Variants in PARVG observed in about 807,000 individuals in gnomAD.
The protein encoded by PARVG is parvin gamma.
In PARVG, 36 loss-of-function variants were observed where a neutral mutation model predicts 44.4. The ratio of observed to expected loss-of-function variants is 0.81; its 90% confidence interval spans 0.62 to 1.07. The LOEUF is 1.07. PARVG is among the 50% of genes least tolerant of loss of function. The pLI is 0.00. For synonymous variants in PARVG, 170 were observed against 174.1 expected (o/e 0.98, Z 0.19); for missense variants, 407 against 407.4 (o/e 1.00, Z 0.01).
intron 12 of PARVG, among the ~76,000 whole-genome samples, chr22:44,204,828 C>T (rs1392140827): frequency 1.3e-5 from 2 of 152,200 alleles, no homozygotes; most frequent in African/African-American, 4.8e-5. Flanking sequence ...GGAGTTCATC[C>T]CTCTTCACCC....
At position 44,191,931 on chromosome 22, in the gene PARVG, C is replaced by G. The variant is rs531767741; in HGVS notation, c.505-118C>G. On this transcript the variant is annotated intron_variant, in intron 7 of 13. Coordinates refer to ENST00000444313, the MANE Select transcript of PARVG (RefSeq NM_022141.7). ...CCTCAAGACTCCTGGGGAAGAAAGACAATTAAGCCAGAGGCTGTCCTGAGG... is the reference window on the plus strand; with the variant it reads ...CCTCAAGACTCCTGGGGAAGAAAGAGAATTAAGCCAGAGGCTGTCCTGAGG... The G allele has an allele frequency of 3.4e-6, 4 of 1,161,618 alleles. No homozygotes were observed. In the African/African-American group the frequency reaches 6.1e-5, roughly 18 times the overall value. 72.0% of individuals were successfully genotyped at this position (1,161,618 alleles called of 1,614,324 possible).
rs375310655 is a variant in PARVG, at chr22:44,204,648, G to A, written c.814-1109G>A. On this transcript the variant is annotated intron_variant, in intron 12 of 13. Coordinates refer to ENST00000444313, the MANE Select transcript of PARVG (RefSeq NM_022141.7). ...CCAACCTGGCCTCTTGGCCCCTGGC[G>A]GGTTGCCATGGGAACTGCCCTGTCC... Among the ~76,000 whole-genome samples, 57 of 152,370 alleles carry A rather than the reference G, an allele frequency of 3.7e-4. No homozygotes were observed. The East Asian group carries it at 7.5e-3, about 20-fold the overall frequency.
chr22:44,178,705 G>A (rs1439230327), upstream of PARVG, among the ~76,000 whole-genome samples: 1 of 152,142 alleles, frequency 6.6e-6, no homozygotes, highest in Non-Finnish European at 1.5e-5. Flanking sequence ...GTGAAAGATT[G>A]TTCTAGATTA....
upstream of PARVG, among the ~76,000 whole-genome samples, chr22:44,176,239 C>T (rs2054318056): frequency 6.6e-6 from 1 of 152,288 alleles, no homozygotes; most frequent in Middle Eastern, 3.4e-3. Flanking sequence ...TCAAACTGCA[C>T]AGTATTTGCA....
In PARVG at chr22:44,208,213, T is replaced by G. The variant is rs1408010516; in HGVS notation, c.*1787T>G. The G allele has an allele frequency of 6.6e-6, 1 of 152,244 alleles. No individual in the cohort carries two copies. The allele number at this position is 152,244 out of a possible 1,614,324, so 9.4% of individuals were successfully genotyped here. On this transcript the variant is annotated 3_prime_UTR_variant, in exon 14 of 14. Coordinates refer to ENST00000444313, the MANE Select transcript of PARVG (RefSeq NM_022141.7). ...GCAATTAAAAAAAAAGTGACTTATT[T>G]AATTACTGTAGCTTTATTGAAAAAT...
chr22:44,193,896 G>A, intron 9 of PARVG, 73 bp downstream of exon 9: 1 of 1,555,002 alleles, frequency 6.4e-7, no homozygotes, highest in Non-Finnish European at 8.8e-7. Flanking sequence ...CTTAATGCAG[G>A]GTTAATTGCT....
At chr22:44,179,263 C>T (rs2054346229), upstream of PARVG, among the ~76,000 whole-genome samples, 1 of 152,190 alleles carries the variant, frequency 6.6e-6, no homozygotes, top group Admixed American at 6.5e-5. The surrounding 1 kb of genome is among the most constrained non-coding windows in gnomAD (Gnocchi z 4.2). Context: ...ATGCTCTACA[C>T]ACAAGAGGCT....
At chr22:44,187,713 C>G in intron 4 of PARVG, 63 bp from the exon 5 acceptor site, 1 of 1,515,302 alleles carries the variant, frequency 6.6e-7, no homozygotes. Flanking sequence ...GCATTCTGAG[C>G]CAGGTGGAGG....
At chr22:44,205,499 T>C (rs2054768426) in intron 12 of PARVG, among the ~76,000 whole-genome samples, 1 of 152,180 alleles carries the variant, frequency 6.6e-6, no homozygotes, top group African/African-American at 2.4e-5. Context: ...GTGTGCCCAG[T>C]GTGGTATAGC....
At position 44,181,746 on chromosome 22, in the gene PARVG, G is replaced by T; in HGVS notation, c.-184G>T. 1.0e-6 allele frequency: 1 copy of T among 985,440 alleles called. No individual in the cohort carries two copies. Among genetic ancestry groups the T allele is most frequent in the Admixed American group, 6.1e-5 (1 of 16,290 alleles). The allele number at this position is 985,440 out of a possible 1,614,324, so 61.0% of individuals were successfully genotyped here. A position where few individuals can be genotyped will look rare whatever the true frequency, so the allele number is the denominator to read the frequency against. On this transcript the variant is annotated 5_prime_UTR_variant, in exon 2 of 14. Transcript: ENST00000444313. Reference sequence around the variant, plus strand: ...CCCCCTCGGGCCCTGCCGCAGAGAGGAGGAAGCTCCTGCCGGCTGAGCGGG... The same window carrying T: ...CCCCCTCGGGCCCTGCCGCAGAGAGTAGGAAGCTCCTGCCGGCTGAGCGGG...
chr22:44,196,817 C>T (rs189128159), intron 11 of PARVG, among the ~76,000 whole-genome samples: 14 of 152,286 alleles, frequency 9.2e-5, no homozygotes, highest in Non-Finnish European at 1.5e-5. Context: ...GCAGCCCAGC[C>T]GTCTGCAGGC....
intron 3 of PARVG, chr22:44,185,562 C>T (rs946297571): frequency 9.5e-6 from 4 of 419,204 alleles, no homozygotes; most frequent in Middle Eastern, 7.2e-4. Context: ...ATAGGATACC[C>T]AGTTAACTTT....
At chr22:44,187,277 G>C (rs564374429) in intron 4 of PARVG, 15 of 175,736 alleles carry the variant, frequency 8.5e-5, no homozygotes, top group Admixed American at 2.7e-4. Context: ...CAGCATCCTG[G>C]TCTCCCAGAT....
chr22:44,206,589 T>C lies in PARVG; in HGVS notation c.*163T>C. ...TCGTTGGATTATCTTTGAACCCCCT[T>C]GTGTGGATCATTTTGAGCCGCCTGG... On this transcript the variant is annotated 3_prime_UTR_variant, in exon 14 of 14. Transcript: ENST00000444313. The C allele has an allele frequency of 1.5e-6, 1 of 649,690 alleles. No homozygotes were observed. Among genetic ancestry groups the C allele is most frequent in the Non-Finnish European group, 2.7e-6 (1 of 367,418 alleles). The allele number at this position is 649,690 out of a possible 1,614,324, so 40.2% of individuals were successfully genotyped here.
chr22:44,181,647 C>T, intron 1 of PARVG, 95 bp from the exon 2 acceptor site: 1 of 914,672 alleles, frequency 1.1e-6, no homozygotes, highest in Non-Finnish European at 1.3e-6. Flanking sequence ...GGGGCCCAGG[C>T]GGCACGGCGG....
chr22:44,180,803 C>T (rs1325855036), upstream of PARVG: 3 of 394,308 alleles, frequency 7.6e-6, no homozygotes, highest in African/African-American at 6.6e-5. Flanking sequence ...TCACACACTC[C>T]TTACACCTGC....
chr22:44,198,491 C>A, intron 11 of PARVG, 130 bp from the exon 12 acceptor site: 2 of 730,478 alleles, frequency 2.7e-6, no homozygotes, highest in Non-Finnish European at 2.4e-6. Context: ...ATGTCTTCCC[C>A]ACTTCTCATC....
At chr22:44,179,010 A>G (rs1236281579), upstream of PARVG, among the ~76,000 whole-genome samples, 2 of 152,126 alleles carry the variant, frequency 1.3e-5, no homozygotes, top group Non-Finnish European at 2.9e-5. This position sits in a 1 kb window ranked among gnomAD's most constrained non-coding sequence, Gnocchi z 4.2. Context: ...ATTTTTAAAA[A>G]TTTTAGTTGT....
intron 1 of PARVG, among the ~76,000 whole-genome samples, chr22:44,174,803 C>T (rs569243436): frequency 6.6e-6 from 1 of 152,216 alleles, no homozygotes; most frequent in South Asian, 2.1e-4. Context: ...TGACCTGATT[C>T]TCCGACCTTT....
Sources: allele counts gnomAD v4.1 joint callset (sites outside exome capture counted in the v4.1 genomes callset), GRCh38; gene constraint gnomAD v4.1.1; non-coding constraint Gnocchi (gnomAD v3.1); transcripts MANE v1.5; gene names NCBI Gene and HGNC (gene_info 2026-07-23, HGNC 2026-07-21).